The following MACROD2 variants were observed in gnomAD, a reference collection of about 807,000 sequenced individuals.
The protein encoded by MACROD2 is ADP-ribose glycohydrolase MACROD2.
A neutral mutation model predicts 70.4 loss-of-function variants in MACROD2; 36 were observed. The ratio of observed to expected loss-of-function variants is 0.51; its 90% CI spans 0.39 to 0.68. The LOEUF (loss-of-function observed/expected upper bound fraction) is 0.68, where lower values mean the gene tolerates loss of function less well. Ranked by LOEUF, MACROD2 falls within the 30% of genes least tolerant of loss-of-function variation. The pLI, the probability that MACROD2 is intolerant of heterozygous loss-of-function variation, is 0.00. For synonymous variants in MACROD2, 172 were observed against 178.8 expected (o/e 0.96, Z 0.30); for missense variants, 496 against 538.4 (o/e 0.92, Z 0.78).
chr20:14,322,175 A>AAT (rs374464781), intron 3 of MACROD2, among the ~76,000 whole-genome samples: 3,059 of 66,314 alleles, frequency 0.046, 279 homozygotes, highest in Middle Eastern at 0.08. Context: ...ATTCTATTGA[A>AAT]ATATATATAT....
chr20:14,571,929 C>T lies in MACROD2; in HGVS notation c.301+78421C>T, dbSNP rs528744641. Among the ~76,000 whole-genome samples, 30 of 152,120 alleles carry T rather than the reference C, an allele frequency of 2.0e-4. No individual in the cohort carries two copies. The South Asian group carries it at 6.2e-3, about 32-fold the overall frequency. ...GAGAAGGTACTTTATTAGTTCAAGA[C>T]TGCCCAGATATACAGTAATGAAAAA... On this transcript the variant is annotated intron_variant, in intron 4 of 17. Transcript: ENST00000684519.
intron 3 of MACROD2, among the ~76,000 whole-genome samples, chr20:14,368,819 G>C (rs1483697687): frequency 6.6e-6 from 1 of 152,092 alleles, no homozygotes. Context: ...AAAAGAAAAA[G>C]TAAAAACTTT....
chr20:15,663,636 T>A (rs1278124062), intron 8 of MACROD2, among the ~76,000 whole-genome samples: 1 of 151,432 alleles, frequency 6.6e-6, no homozygotes. Context: ...AAAAAAACCG[T>A]GTCTGGGCTT....
chr20:14,872,016 A>G (rs529899958), intron 5 of MACROD2, among the ~76,000 whole-genome samples: 1 of 152,290 alleles, frequency 6.6e-6, no homozygotes, highest in South Asian at 2.1e-4. Context: ...ACCCAGATTC[A>G]TAAAGCAAGT....
At chr20:14,798,030 G>T (rs16994990) in intron 5 of MACROD2, among the ~76,000 whole-genome samples, 5,891 of 152,126 alleles carry the variant, frequency 0.039, 396 homozygotes, top group African/African-American at 0.13. Context: ...TAAGATTAAA[G>T]TTGATTTTCT....
intron 2 of MACROD2, among the ~76,000 whole-genome samples, chr20:14,058,757 C>T (rs1016629291): frequency 1.6e-4 from 25 of 151,586 alleles, no homozygotes; most frequent in South Asian, 4.2e-4. Context: ...AATTCTTCTG[C>T]CTCAGCCTCC....
At chr20:15,862,644 C>T in intron 8 of MACROD2, 101 bp from the exon 9 acceptor site, 1 of 878,816 alleles carries the variant, frequency 1.1e-6, no homozygotes, top group Non-Finnish European at 1.8e-6. Flanking sequence ...AACCAAAAAT[C>T]TGTATGAGGC....
chr20:14,525,260 T>G (rs550445686), intron 4 of MACROD2, among the ~76,000 whole-genome samples: 1 of 152,322 alleles, frequency 6.6e-6, no homozygotes, highest in African/African-American at 2.4e-5. Flanking sequence ...AGATAAAATT[T>G]GGGGAGATTG....
Position 15,678,581 on chromosome 20 carries a change from A to G in MACROD2, c.645+178734A>G, listed in dbSNP as rs142504941. Among the ~76,000 whole-genome samples, 980 of 152,236 alleles carry G rather than the reference A, an allele frequency of 6.4e-3. 11 individuals are homozygous for G. The highest frequency in any genetic ancestry group is 0.021 in the African/African-American group (893 of 41,562). The stretch of plus-strand genomic sequence containing the variant: ...TCGTTATGTTAGCCAGGATGGTCTC[A>G]ATCTCCTGACCTCGTGATCCGCCTG... On this transcript the variant is annotated intron_variant, in intron 8 of 17. Transcript: ENST00000684519.
intron 4 of MACROD2, among the ~76,000 whole-genome samples, chr20:14,657,168 A>C (rs1311390163): frequency 6.6e-6 from 1 of 152,368 alleles, no homozygotes; most frequent in East Asian, 1.9e-4. Flanking sequence ...CATTTACATA[A>C]CTTTGAATAT....
At chr20:14,170,671 A>G (rs1190674103) in intron 3 of MACROD2, among the ~76,000 whole-genome samples, 1 of 152,160 alleles carries the variant, frequency 6.6e-6, no homozygotes, top group Non-Finnish European at 1.5e-5. Flanking sequence ...ATGTTAAACC[A>G]TCCCTGCATC....
chr20:14,001,240 T>C (rs1023903052), intron 1 of MACROD2, among the ~76,000 whole-genome samples: 4 of 152,220 alleles, frequency 2.6e-5, no homozygotes, highest in African/African-American at 9.7e-5. Flanking sequence ...ATTGGCATAA[T>C]AATACTATCA....
At chr20:15,530,767 G>A (rs910346279) in intron 8 of MACROD2, among the ~76,000 whole-genome samples, 1 of 150,560 alleles carries the variant, frequency 6.6e-6, no homozygotes, top group Non-Finnish European at 1.5e-5. Flanking sequence ...TTCCATGTAC[G>A]CGTATAATGT....
intron 3 of MACROD2, among the ~76,000 whole-genome samples, chr20:14,382,463 G>A (rs2083431262): frequency 6.6e-6 from 1 of 151,680 alleles, no homozygotes; most frequent in Non-Finnish European, 1.5e-5. Context: ...GAGGTCGGGA[G>A]TTTGAGACCA....
intron 5 of MACROD2, among the ~76,000 whole-genome samples, chr20:15,173,200 T>C (rs1283406895): frequency 8.2e-6 from 1 of 122,430 alleles, no homozygotes; most frequent in African/African-American, 2.6e-5. Flanking sequence ...TTCAACTTTA[T>C]CTAATATATA....
rs2063848344 is a variant in MACROD2 at position 15,814,122 on chromosome 20, A to C, written c.646-48623A>C. Among the ~76,000 whole-genome samples the C allele has an allele frequency of 2.0e-5, 3 of 152,178 alleles. No individual in the cohort carries two copies. In the South Asian group the frequency reaches 6.2e-4, roughly 32 times the overall value. ...AGAGAGGAAGGACAGAAAAAAAGAAAATATATGAGGGTAAAATAACATCAC... is the reference window on the plus strand; with the variant it reads ...AGAGAGGAAGGACAGAAAAAAAGAACATATATGAGGGTAAAATAACATCAC... On this transcript the variant is annotated intron_variant, in intron 8 of 17. Transcript: ENST00000684519.
intron 7 of MACROD2, among the ~76,000 whole-genome samples, chr20:15,472,200 G>A (rs2046971320): frequency 6.6e-6 from 1 of 152,124 alleles, no homozygotes; most frequent in African/African-American, 2.4e-5. Context: ...AGCTTTGAGT[G>A]CTTCAACACT....
intron 3 of MACROD2, among the ~76,000 whole-genome samples, chr20:14,181,444 T>C (rs1278752869): frequency 6.6e-6 from 1 of 152,072 alleles, no homozygotes; most frequent in Non-Finnish European, 1.5e-5. Flanking sequence ...TGCTAAGCAC[T>C]GATTATTTTT....
intron 4 of MACROD2, among the ~76,000 whole-genome samples, chr20:14,615,436 T>A (rs1182198915): frequency 3.3e-5 from 5 of 151,994 alleles, no homozygotes; most frequent in African/African-American, 9.7e-5. Flanking sequence ...TTTATTTAGA[T>A]GGGGAGGATA....
Sources: allele counts gnomAD v4.1 joint callset (sites outside exome capture counted in the v4.1 genomes callset), GRCh38; gene constraint gnomAD v4.1.1; transcripts MANE v1.5; gene names NCBI Gene and HGNC (gene_info 2026-07-23, HGNC 2026-07-21).